MTHFD2L: variants seen among roughly 807,000 people sequenced by gnomAD.
MTHFD2L encodes bifunctional methylenetetrahydrofolate dehydrogenase/cyclohydrolase 2, mitochondrial.
Under a neutral mutation model 34.9 loss-of-function variants are expected in MTHFD2L, and 29 were observed. That is an observed-to-expected ratio of 0.83 (90% CI 0.62 to 1.13). The LOEUF is 1.13. MTHFD2L is among the 50% of genes most tolerant of loss of function. The probability of loss-of-function intolerance (pLI) is 0.00; values close to 1 mark genes in which losing one functional copy is unlikely to be tolerated. For missense variants in MTHFD2L, 481 were observed against 446.5 expected (o/e 1.08, Z -0.70); for synonymous variants, 167 against 155.7 (o/e 1.07, Z -0.54).
intron 1 of MTHFD2L, among the ~76,000 whole-genome samples, chr4:74,137,351 G>A (rs1215291530): frequency 6.6e-6 from 1 of 152,062 alleles, no homozygotes; most frequent in African/African-American, 2.4e-5. Context: ...ATGACTAACA[G>A]CTATATTAAA....
intron 6 of MTHFD2L, among the ~76,000 whole-genome samples, chr4:74,250,422 A>G (rs958499251): frequency 1.3e-5 from 2 of 151,838 alleles, no homozygotes; most frequent in South Asian, 2.1e-4. Flanking sequence ...ATTTATTTGT[A>G]TGGTTACTGG....
intron 5 of MTHFD2L, among the ~76,000 whole-genome samples, chr4:74,210,049 T>C (rs1736032368): frequency 6.6e-6 from 1 of 152,224 alleles, no homozygotes; most frequent in South Asian, 2.1e-4. Context: ...GCTTGTTTTT[T>C]CTTTCTTTTA....
upstream of MTHFD2L, among the ~76,000 whole-genome samples, chr4:74,119,559 G>A (rs577361639): frequency 1.1e-4 from 17 of 152,232 alleles, no homozygotes; most frequent in South Asian, 8.3e-4. Flanking sequence ...CGAGGCGGGC[G>A]GATCACGAGG....
intron 6 of MTHFD2L, among the ~76,000 whole-genome samples, chr4:74,249,416 G>A (rs1742988717): frequency 6.6e-6 from 1 of 152,104 alleles, no homozygotes; most frequent in African/African-American, 2.4e-5. Context: ...GCACACTGAT[G>A]GGTCTTGACT....
intron 1 of MTHFD2L, chr4:74,125,561 T>C (rs1722007244): frequency 6.6e-6 from 1 of 152,156 alleles, no homozygotes; most frequent in Non-Finnish European, 1.5e-5. Context: ...CAAATTTCAT[T>C]TGTCATGAAA....
chr4:74,221,811 G>GT (rs1411405478), intron 5 of MTHFD2L, among the ~76,000 whole-genome samples: 3 of 147,972 alleles, frequency 2.0e-5, no homozygotes, highest in African/African-American at 7.8e-5. Flanking sequence ...ATTTTTTACA[G>GT]TTTTTTCTTT....
chr4:74,193,612 T>C (rs1010628079), intron 3 of MTHFD2L, among the ~76,000 whole-genome samples: 3 of 152,202 alleles, frequency 2.0e-5, no homozygotes, highest in Non-Finnish European at 4.4e-5. Context: ...AGCAGTCTTT[T>C]GTAGTTCTTA....
chr4:74,190,602 C>G, intron 3 of MTHFD2L: 1 of 744,268 alleles, frequency 1.3e-6, no homozygotes, highest in African/African-American at 1.9e-5. Flanking sequence ...TGTTCCCATT[C>G]CTTTTCTGTC....
At chr4:74,124,912 G>A (rs1240515824), upstream of MTHFD2L, among the ~76,000 whole-genome samples, 2 of 151,794 alleles carry the variant, frequency 1.3e-5, no homozygotes, top group Non-Finnish European at 2.9e-5. Flanking sequence ...GACTGTTTAG[G>A]TGCTGAGAGT....
intron 5 of MTHFD2L, among the ~76,000 whole-genome samples, chr4:74,211,247 T>A (rs188437541): frequency 4.9e-4 from 74 of 152,326 alleles, no homozygotes; most frequent in Admixed American, 3.0e-3. Context: ...GAGGAGGGGA[T>A]CCTTGTCTTG....
At chr4:74,159,758 G>A (rs1327501467) in intron 1 of MTHFD2L, among the ~76,000 whole-genome samples, 1 of 152,214 alleles carries the variant, frequency 6.6e-6, no homozygotes, top group Non-Finnish European at 1.5e-5. Flanking sequence ...GTTTTGGAAA[G>A]CTATTATCCC....
intron 3 of MTHFD2L, among the ~76,000 whole-genome samples, chr4:74,176,973 T>C (rs1051305570): frequency 3.3e-5 from 5 of 151,964 alleles, no homozygotes; most frequent in African/African-American, 1.2e-4. Flanking sequence ...TTTTGTGCTG[T>C]TTACATTATA....
chr4:74,178,413 C>T (rs540131813), intron 3 of MTHFD2L, among the ~76,000 whole-genome samples: 4 of 151,990 alleles, frequency 2.6e-5, no homozygotes, highest in Non-Finnish European at 5.9e-5. Context: ...TTTCTAACTA[C>T]GTTGGATTTT....
chr4:74,243,650 T>C (rs1480871784), intron 6 of MTHFD2L, among the ~76,000 whole-genome samples: 1 of 152,224 alleles, frequency 6.6e-6, no homozygotes, highest in African/African-American at 2.4e-5. Flanking sequence ...ATGTTTTTCA[T>C]GTTGCTAAAT....
At position 74,302,731 on chromosome 4, in the gene MTHFD2L, G is replaced by A. The variant is rs1213898708; in HGVS notation, c.*922G>A. 1 of 152,084 alleles carries A rather than the reference G, an allele frequency of 6.6e-6. No individual in the cohort carries two copies. The highest frequency in any genetic ancestry group is 2.4e-5 in the African/African-American group (1 of 41,420). 9.4% of individuals were successfully genotyped at this position (152,084 alleles called of 1,614,324 possible). Reference sequence around the variant, plus strand: ...TGTTCACAAATTCAGAAATCTAATAGGAAAACATGATACTTTCAATGTGCC... The same window carrying A: ...TGTTCACAAATTCAGAAATCTAATAAGAAAACATGATACTTTCAATGTGCC... On this transcript the variant is annotated 3_prime_UTR_variant, in exon 8 of 8. Coordinates refer to ENST00000325278, the MANE Select transcript of MTHFD2L (RefSeq NM_001144978.3).
At chr4:74,287,909 G>C (rs1748392299) in intron 7 of MTHFD2L, among the ~76,000 whole-genome samples, 2 of 152,154 alleles carry the variant, frequency 1.3e-5, no homozygotes, top group South Asian at 4.1e-4. Flanking sequence ...AGACAGAATG[G>C]TTTAAACAGA....
intron 6 of MTHFD2L, among the ~76,000 whole-genome samples, chr4:74,250,410 C>G (rs1184034841): frequency 1.3e-5 from 2 of 151,658 alleles, no homozygotes; most frequent in African/African-American, 2.4e-5. Context: ...TATTATGTAT[C>G]TATTTATTTG....
intron 1 of MTHFD2L, among the ~76,000 whole-genome samples, chr4:74,148,978 A>C (rs1723770860): frequency 6.6e-6 from 1 of 151,672 alleles, no homozygotes; most frequent in South Asian, 2.1e-4. Context: ...CAAATTTTGG[A>C]GTGTGAGAGA....
At chr4:74,186,503 A>G (rs909297013) in intron 3 of MTHFD2L, among the ~76,000 whole-genome samples, 2 of 151,452 alleles carry the variant, frequency 1.3e-5, no homozygotes, top group African/African-American at 4.8e-5. Flanking sequence ...ATTGAAGGAT[A>G]CAAGCTTAAT....
Sources: allele counts gnomAD v4.1 joint callset (sites outside exome capture counted in the v4.1 genomes callset), GRCh38; gene constraint gnomAD v4.1.1; transcripts MANE v1.5; gene names NCBI Gene and HGNC (gene_info 2026-07-23, HGNC 2026-07-21).